The following ITGB8 variants were observed in gnomAD, a reference collection of about 807,000 sequenced individuals.
ITGB8 encodes integrin beta-8.
A neutral mutation model predicts 89.5 loss-of-function variants in ITGB8; 30 were observed. The observed-to-expected ratio is 0.34, with a 90% CI of 0.25 to 0.45. The LOEUF (loss-of-function observed/expected upper bound fraction) is 0.45. ITGB8 is among the 20% of genes least tolerant of loss of function. The pLI, the probability that ITGB8 is intolerant of heterozygous loss-of-function variation, is 1.00. For missense variants in ITGB8, 836 were observed against 933.3 expected, an observed-to-expected ratio of 0.90 and a Z score of 1.36; for synonymous variants, 335 against 320.4, an observed-to-expected ratio of 1.05 and a Z score of -0.49.
At position 20,397,920 on chromosome 7, in the gene ITGB8, T is replaced by C. The variant is rs183696615; in HGVS notation, c.1147-940T>C. On this transcript the variant is annotated intron_variant, in intron 8 of 13. Coordinates refer to ENST00000222573, the MANE Select transcript of ITGB8 (RefSeq NM_002214.3). ...TTTCTTTTCATAACCCGCTGCTCACTCTCTTTCTTTAGGCACATACTTCGT... is the reference window on the plus strand; with the variant it reads ...TTTCTTTTCATAACCCGCTGCTCACCCTCTTTCTTTAGGCACATACTTCGT... 8.3e-4 allele frequency among the ~76,000 whole-genome samples: 126 copies of C among 152,270 alleles called. 1 individual carries two copies. Among genetic ancestry groups the C allele is most frequent in the African/African-American group, 2.9e-3 (121 of 41,574 alleles).
At chr7:20,348,158 C>T (rs1784991297) in intron 1 of ITGB8, among the ~76,000 whole-genome samples, 1 of 152,052 alleles carries the variant, frequency 6.6e-6, no homozygotes, top group African/African-American at 2.4e-5. Context: ...AGTGAGAGGA[C>T]TTGGTATGAG....
chr7:20,388,460 G>T (rs894810061), intron 6 of ITGB8, among the ~76,000 whole-genome samples: 28 of 152,044 alleles, frequency 1.8e-4, no homozygotes, highest in African/African-American at 6.8e-4. Context: ...AGGGGCTTAG[G>T]CAATGGTCAT....
chr7:20,343,329 A>T (rs980184348), intron 1 of ITGB8, among the ~76,000 whole-genome samples: 4 of 152,190 alleles, frequency 2.6e-5, no homozygotes, highest in Non-Finnish European at 5.9e-5. Flanking sequence ...ATAAAGATGC[A>T]ATCATGTAAT....
chr7:20,370,719 TC>T (rs1785900458), intron 3 of ITGB8, among the ~76,000 whole-genome samples: 1 of 152,098 alleles, frequency 6.6e-6, no homozygotes, highest in Non-Finnish European at 1.5e-5. Flanking sequence ...CAAGTAATTC[TC>T]CTGCCTCAGC....
intron 12 of ITGB8, among the ~76,000 whole-genome samples, chr7:20,406,570 T>C (rs1055129522): frequency 2.0e-5 from 3 of 151,212 alleles, no homozygotes; most frequent in Non-Finnish European, 4.4e-5. Flanking sequence ...AAAAGAGGAC[T>C]GAGGGCTTTA....
chr7:20,351,802 A>G (rs1785121622), intron 1 of ITGB8, among the ~76,000 whole-genome samples: 1 of 152,222 alleles, frequency 6.6e-6, no homozygotes, highest in African/African-American at 2.4e-5. Flanking sequence ...TACAATGTAG[A>G]AAATGCATTC....
At chr7:20,396,499 G>T (rs968736951) in intron 8 of ITGB8, among the ~76,000 whole-genome samples, 4 of 151,980 alleles carry the variant, frequency 2.6e-5, no homozygotes, top group African/African-American at 9.7e-5. Flanking sequence ...AATCTTGCTT[G>T]ATTTGTTTTC....
chr7:20,343,051 C>T (rs994375211), intron 1 of ITGB8, among the ~76,000 whole-genome samples: 2 of 152,100 alleles, frequency 1.3e-5, no homozygotes, highest in Non-Finnish European at 2.9e-5. Context: ...TCAGTAGACA[C>T]GGCAGAGTTG....
At chr7:20,388,112 T>C (rs1786702451) in intron 6 of ITGB8, among the ~76,000 whole-genome samples, 1 of 152,224 alleles carries the variant, frequency 6.6e-6, no homozygotes, top group Non-Finnish European at 1.5e-5. Context: ...TGTACACAGT[T>C]ATCTCTTTAC....
At chr7:20,338,965 G>A (rs1784663198) in intron 1 of ITGB8, among the ~76,000 whole-genome samples, 1 of 152,108 alleles carries the variant, frequency 6.6e-6, no homozygotes, top group South Asian at 2.1e-4. Flanking sequence ...AGGCAGAGGT[G>A]GGTGGATCAC....
Position 20,375,366 on chromosome 7 carries a change from A to T in ITGB8, c.389-3685A>T, listed in dbSNP as rs533621483. ...ATAATGTGATTCAAATTCCAAAAAAAAAAGGAAAATTAGATAGCTCTGCAT... is the reference window on the plus strand; with the variant it reads ...ATAATGTGATTCAAATTCCAAAAAATAAAGGAAAATTAGATAGCTCTGCAT... On this transcript the variant is annotated intron_variant, in intron 3 of 13. Transcript: ENST00000222573. Among the ~76,000 whole-genome samples the T allele has an allele frequency of 1.5e-4, 23 of 152,248 alleles. No homozygotes were observed. In the East Asian group the frequency reaches 2.7e-3, roughly 18 times the overall value.
intron 3 of ITGB8, among the ~76,000 whole-genome samples, chr7:20,375,443 A>ATAGATT (rs1310986988): frequency 6.6e-6 from 1 of 152,200 alleles, no homozygotes; most frequent in Non-Finnish European, 1.5e-5. Flanking sequence ...ACACACCCAA[A>ATAGATT]TAGATTCTTC....
intron 1 of ITGB8, chr7:20,346,759 C>A: frequency 1.0e-6 from 1 of 985,026 alleles, no homozygotes; most frequent in Non-Finnish European, 1.2e-6. Flanking sequence ...TAACACCTGA[C>A]GATTATACCT....
intron 1 of ITGB8, among the ~76,000 whole-genome samples, chr7:20,350,969 G>A (rs978741597): frequency 2.0e-5 from 3 of 152,144 alleles, no homozygotes; most frequent in Non-Finnish European, 4.4e-5. Flanking sequence ...GCTTTCACGC[G>A]AAAACTCAGT....
intron 1 of ITGB8, among the ~76,000 whole-genome samples, chr7:20,359,595 T>G (rs574498833): frequency 6.6e-6 from 1 of 152,256 alleles, no homozygotes; most frequent in South Asian, 2.1e-4. Flanking sequence ...CATGCTTTGT[T>G]GTATATGCAG....
Position 20,381,745 on chromosome 7 carries a change from A to C in ITGB8, c.820A>C (p.Lys274Gln). The change falls in exon 6 of 14, where the codon AAA becomes CAA. Residue 274 changes from lysine (K) to glutamine (Q), a missense_variant. Physicochemically the swap from Lys to Gln is moderately conservative, Grantham distance 53. Around this residue, in one of 5 missense-constraint regions of ITGB8, gnomAD observed 192 missense variants for 267.1 expected, o/e 0.72. Transcript: ENST00000222573. ...TTTTAAGAGTCATATCGGATGGCGAAAAGAGGCTAAAAGATTGCTGCTGGT... is the reference window on the plus strand; with the variant it reads ...TTTTAAGAGTCATATCGGATGGCGACAAGAGGCTAAAAGATTGCTGCTGGT... Reference protein sequence around the residue: ...AVCESHIGWRKEAKRLLLVMT... With the variant: ...AVCESHIGWRQEAKRLLLVMT... The C allele has an allele frequency of 6.2e-7, 1 of 1,608,246 alleles. No individual in the cohort carries two copies. The highest frequency in any genetic ancestry group is 8.5e-7 in the Non-Finnish European group (1 of 1,178,410).
At chr7:20,344,656 A>C (rs1301134651) in intron 1 of ITGB8, among the ~76,000 whole-genome samples, 1 of 152,242 alleles carries the variant, frequency 6.6e-6, no homozygotes, top group Non-Finnish European at 1.5e-5. Flanking sequence ...GAATGGCCAG[A>C]GGAGCAAGTG....
chr7:20,404,419 T>A (rs1266456247), intron 10 of ITGB8, among the ~76,000 whole-genome samples: 1 of 152,164 alleles, frequency 6.6e-6, no homozygotes, highest in Non-Finnish European at 1.5e-5. Flanking sequence ...TGCATTAGCA[T>A]GGGGAGATTA....
chr7:20,365,316 T>G (rs1020241622), intron 2 of ITGB8: 1 of 152,244 alleles, frequency 6.6e-6, no homozygotes, highest in African/African-American at 2.4e-5. Flanking sequence ...GAAACTCACT[T>G]GGGTGCTCAT....
Sources: allele counts gnomAD v4.1 joint callset (sites outside exome capture counted in the v4.1 genomes callset), GRCh38; gene constraint gnomAD v4.1.1; regional missense constraint gnomAD v4.1.1; transcripts MANE v1.5; gene names NCBI Gene and HGNC (gene_info 2026-07-23, HGNC 2026-07-21).